The following CFAP20DC variants were observed in gnomAD, a reference collection of about 807,000 sequenced individuals.
CFAP20DC encodes the protein protein CFAP20DC.
In CFAP20DC, 84 loss-of-function variants were observed where a neutral mutation model predicts 101.7. The ratio of observed to expected loss-of-function variants is 0.83; its 90% CI spans 0.69 to 0.99. CFAP20DC has a LOEUF of 0.99. CFAP20DC is among the 50% of genes least tolerant of loss of function. The pLI is 0.00. For synonymous variants in CFAP20DC, 359 were observed against 351.2 expected (o/e 1.02, Z -0.25); for missense variants, 1,007 against 970.3 (o/e 1.04, Z -0.50).
chr3:58,820,559 G>T (rs1443758874), intron 14 of CFAP20DC, among the ~76,000 whole-genome samples: 4 of 151,880 alleles, frequency 2.6e-5, no homozygotes, highest in African/African-American at 9.7e-5. Flanking sequence ...TCAAAGAGAA[G>T]AAAATACCTA....
downstream of CFAP20DC, among the ~76,000 whole-genome samples, chr3:58,739,777 C>A (rs1197570902): frequency 6.6e-6 from 1 of 152,158 alleles, no homozygotes; most frequent in Non-Finnish European, 1.5e-5. Flanking sequence ...ACATGTATAG[C>A]CTAGTTAATG....
intron 4 of CFAP20DC, among the ~76,000 whole-genome samples, chr3:58,978,193 C>A (rs1015359331): frequency 6.6e-6 from 1 of 152,092 alleles, no homozygotes; most frequent in Non-Finnish European, 1.5e-5. Flanking sequence ...AGCCTTCTTC[C>A]AGGTTCTTCC....
chr3:58,815,269 AT>A (rs2075021674), intron 14 of CFAP20DC, among the ~76,000 whole-genome samples: 2 of 151,018 alleles, frequency 1.3e-5, no homozygotes, highest in South Asian at 4.2e-4. Flanking sequence ...AGGATTCCCT[AT>A]TTAATAAATG....
intron 7 of CFAP20DC, among the ~76,000 whole-genome samples, chr3:58,876,422 T>A (rs958139601): frequency 3.3e-5 from 5 of 152,090 alleles, no homozygotes; most frequent in Non-Finnish European, 1.5e-5. Context: ...CAGAAATGCA[T>A]GCTTTTGAAT....
In CFAP20DC at chr3:58,934,772, T is replaced by G. The variant is rs566677799; in HGVS notation, c.393+2876A>C. On this transcript the variant is annotated intron_variant, in intron 5 of 16. Coordinates refer to ENST00000482387, the MANE Select transcript of CFAP20DC (RefSeq NM_001394063.1). ...AAATTAGGTATTGATGGGACATATC[T>G]GAAAATAATAAGAGCTATCTATGAC... Among the ~76,000 whole-genome samples, 411 of 152,318 alleles carry G rather than the reference T, an allele frequency of 2.7e-3. 1 individual carries two copies. The highest frequency in any genetic ancestry group is 9.3e-3 in the African/African-American group (387 of 41,554).
At chr3:58,846,909 T>G (rs2077705117) in intron 13 of CFAP20DC, among the ~76,000 whole-genome samples, 2 of 150,498 alleles carry the variant, frequency 1.3e-5, no homozygotes, top group Admixed American at 1.3e-4. Context: ...AAACAAACAA[T>G]GGGGAAAGGA....
At chr3:59,027,319 C>T (rs974804061) in intron 4 of CFAP20DC, among the ~76,000 whole-genome samples, 2 of 152,010 alleles carry the variant, frequency 1.3e-5, no homozygotes, top group Non-Finnish European at 2.9e-5. Context: ...TTATCAGATT[C>T]CAAATGGAAG....
chr3:58,917,876 C>T (rs527803158), intron 5 of CFAP20DC, among the ~76,000 whole-genome samples: 9 of 152,250 alleles, frequency 5.9e-5, no homozygotes, highest in African/African-American at 2.2e-4. Context: ...AAAGCTGGGG[C>T]TGCCAGAGCT....
intron 6 of CFAP20DC, among the ~76,000 whole-genome samples, chr3:58,900,254 T>C (rs570324255): frequency 1.3e-5 from 2 of 152,194 alleles, no homozygotes; most frequent in South Asian, 4.1e-4. Context: ...CCTAATGATA[T>C]ATTTAGTACA....
intron 14 of CFAP20DC, among the ~76,000 whole-genome samples, chr3:58,825,267 T>A (rs981355229): frequency 5.9e-5 from 9 of 152,166 alleles, no homozygotes; most frequent in Non-Finnish European, 8.8e-5. Flanking sequence ...AGTGGCCCTT[T>A]GAGGAGAATA....
rs971569885 is a variant in CFAP20DC, at chr3:58,722,074, A to G, written c.198-4446T>C. On this transcript the variant is annotated intron_variant, in intron 3 of 3. Transcript: ENST00000486145. The surrounding 1 kb of genome is among the most constrained non-coding windows in gnomAD (Gnocchi z 4.5). ...CTCACTTGGAACATTTGCTTTCTGG[A>G]TGCTCCTCTTGGGAGCCAGCTGCCA... Among the ~76,000 whole-genome samples, 1 of 152,184 alleles carries G rather than the reference A, an allele frequency of 6.6e-6. No homozygotes were observed. Among genetic ancestry groups the G allele is most frequent in the Non-Finnish European group, 1.5e-5 (1 of 68,032 alleles).
chr3:59,044,411 C>G (rs1444073301), intron 3 of CFAP20DC, among the ~76,000 whole-genome samples: 16 of 152,110 alleles, frequency 1.1e-4, no homozygotes, highest in Admixed American at 9.8e-4. Context: ...TAAACTGTTT[C>G]ATTTGTTACA....
At chr3:58,822,978 T>G (rs2075791537) in intron 14 of CFAP20DC, among the ~76,000 whole-genome samples, 1 of 152,164 alleles carries the variant, frequency 6.6e-6, no homozygotes, top group African/African-American at 2.4e-5. Flanking sequence ...CAGAGAAGAA[T>G]CTGAACAAAA....
At chr3:58,933,186 T>C (rs1194784944) in intron 5 of CFAP20DC, among the ~76,000 whole-genome samples, 1 of 152,042 alleles carries the variant, frequency 6.6e-6, no homozygotes, top group African/African-American at 2.4e-5. Context: ...GGCCATTACA[T>C]AATGGTAAAG....
At chr3:59,028,112 A>G (rs1275658962) in intron 4 of CFAP20DC, among the ~76,000 whole-genome samples, 1 of 152,228 alleles carries the variant, frequency 6.6e-6, no homozygotes, top group Non-Finnish European at 1.5e-5. Flanking sequence ...CCTTTGCTCC[A>G]CATGCAAAAT....
rs1264474032 is a variant in CFAP20DC, at chr3:58,722,748, C to T, written c.198-5120G>A. ...GATCAGTTGCTTTTGAAAGATCCCC[C>T]AGCTGATACAGACTGCTGGTATCCT... is the stretch of plus-strand genomic sequence containing the variant. On this transcript the variant is annotated intron_variant, in intron 3 of 3. Transcript: ENST00000486145. This position sits in a 1 kb window ranked among gnomAD's most constrained non-coding sequence, Gnocchi z 4.5. Among the ~76,000 whole-genome samples the T allele has an allele frequency of 1.3e-5, 2 of 152,200 alleles. No individual in the cohort carries two copies. Among genetic ancestry groups the T allele is most frequent in the Admixed American group, 6.5e-5 (1 of 15,290 alleles).
chr3:58,776,068 C>T (rs971933247), intron 15 of CFAP20DC, among the ~76,000 whole-genome samples: 1 of 152,020 alleles, frequency 6.6e-6, no homozygotes, highest in Non-Finnish European at 1.5e-5. Context: ...GAGAACTTGG[C>T]GCTTCTTTCC....
chr3:58,855,946 T>G (rs1025223582), intron 12 of CFAP20DC, among the ~76,000 whole-genome samples: 3 of 149,878 alleles, frequency 2.0e-5, no homozygotes, highest in African/African-American at 7.4e-5. Flanking sequence ...GTAACTAACC[T>G]GCACAATGTG....
At chr3:58,827,160 TG>T (rs1575789030) in intron 14 of CFAP20DC, among the ~76,000 whole-genome samples, 1 of 151,992 alleles carries the variant, frequency 6.6e-6, no homozygotes, top group Non-Finnish European at 1.5e-5. Context: ...ACCACTCTGG[TG>T]GGGGACACTG....
Sources: gnomAD v4.1 joint callset for allele counts (sites outside exome capture counted in the v4.1 genomes callset) on GRCh38, gnomAD v4.1.1 for gene constraint, Gnocchi (gnomAD v3.1) non-coding constraint, MANE v1.5 for transcripts, NCBI Gene and HGNC (gene_info 2026-07-23, HGNC 2026-07-21) for gene names.